The following GAB2 variants were observed in gnomAD, a reference collection of about 807,000 sequenced individuals.
GAB2 encodes the protein GRB2-associated-binding protein 2.
GAB2 carries 26 observed loss-of-function variants against 65.5 expected under a neutral mutation model. The observed-to-expected ratio is 0.40, with a 90% CI of 0.29 to 0.55. The LOEUF is 0.55. Ranked by LOEUF, GAB2 falls within the 20% of genes least tolerant of loss-of-function variation. The probability of loss-of-function intolerance (pLI) is 0.53; values close to 1 mark genes in which losing one functional copy is unlikely to be tolerated. For missense variants in GAB2, 884 were observed against 875.8 expected (o/e 1.01, Z -0.12); for synonymous variants, 321 against 329.6 (o/e 0.97, Z 0.28).
intron 3 of GAB2, among the ~76,000 whole-genome samples, chr11:78,239,315 G>C (rs1865067358): frequency 6.6e-6 from 1 of 152,072 alleles, no homozygotes; most frequent in Non-Finnish European, 1.5e-5. Flanking sequence ...CCACCTCCTG[G>C]GTTCAAGCGA....
chr11:78,240,642 G>GTATCAA (rs2134503942), intron 3 of GAB2, among the ~76,000 whole-genome samples: 1 of 152,236 alleles, frequency 6.6e-6, no homozygotes, highest in East Asian at 1.9e-4. Flanking sequence ...GCTACATGGT[G>GTATCAA]TATCAATCCC....
intron 1 of GAB2, among the ~76,000 whole-genome samples, chr11:78,300,516 T>TAAAAAACC (rs1554985512): frequency 7.0e-6 from 1 of 142,792 alleles, no homozygotes; most frequent in East Asian, 2.2e-4. Context: ...TTTAATTTTA[T>TAAAAAACC]AAAAAAACAA....
chr11:78,402,826 C>T (rs1016962020), intron 1 of GAB2, among the ~76,000 whole-genome samples: 3 of 152,086 alleles, frequency 2.0e-5, no homozygotes, highest in Non-Finnish European at 2.9e-5. Context: ...ATGCTTCTGC[C>T]TCACAATGCC....
chr11:78,335,598 A>G (rs138825264), intron 1 of GAB2, among the ~76,000 whole-genome samples: 56 of 152,182 alleles, frequency 3.7e-4, no homozygotes, highest in African/African-American at 1.3e-3. Context: ...CCATTGGTCT[A>G]TGTGTCTGTT....
At chr11:78,313,298 C>A (rs150520965) in intron 1 of GAB2, among the ~76,000 whole-genome samples, 1 of 152,032 alleles carries the variant, frequency 6.6e-6, no homozygotes, top group Non-Finnish European at 1.5e-5. Flanking sequence ...AGACTGAATC[C>A]GAATCCTAGA....
At chr11:78,287,344 A>G (rs974152926) in intron 1 of GAB2, among the ~76,000 whole-genome samples, 3 of 149,822 alleles carry the variant, frequency 2.0e-5, no homozygotes, top group Non-Finnish European at 4.4e-5. Flanking sequence ...AGAGGCATGA[A>G]CATGGCTCAC....
chr11:78,348,299 C>T (rs776670129), intron 1 of GAB2, among the ~76,000 whole-genome samples: 7 of 152,196 alleles, frequency 4.6e-5, no homozygotes, highest in Non-Finnish European at 1.0e-4. Flanking sequence ...GTTGTATTCA[C>T]ATGTTTTCAC....
At chr11:78,254,813 GAAAAA>G (rs1374651236) in intron 2 of GAB2, among the ~76,000 whole-genome samples, 1 of 147,640 alleles carries the variant, frequency 6.8e-6, no homozygotes, top group Non-Finnish European at 1.5e-5. Context: ...AAAGAAAAAA[GAAAAA>G]AGAAAAAAAA....
intron 1 of GAB2, among the ~76,000 whole-genome samples, chr11:78,395,000 C>T (rs1214361335): frequency 2.0e-5 from 3 of 152,100 alleles, no homozygotes; most frequent in Admixed American, 6.6e-5. Flanking sequence ...TGAAGAGACT[C>T]GTATCCTTGT....
chr11:78,322,483 A>G (rs1409942477), intron 1 of GAB2, among the ~76,000 whole-genome samples: 1 of 151,946 alleles, frequency 6.6e-6, no homozygotes, highest in Non-Finnish European at 1.5e-5. Flanking sequence ...AAGAGCTTGT[A>G]CACAGCAAAA....
At chr11:78,338,544 C>G (rs145659843) in intron 1 of GAB2, among the ~76,000 whole-genome samples, 3 of 152,336 alleles carry the variant, frequency 2.0e-5, no homozygotes, top group African/African-American at 4.8e-5. Flanking sequence ...CTTACATAAA[C>G]TGAAAATATT....
intron 1 of GAB2, among the ~76,000 whole-genome samples, chr11:78,309,659 C>A (rs569716795): frequency 1.5e-4 from 23 of 152,094 alleles, no homozygotes; most frequent in Non-Finnish European, 2.8e-4. Context: ...AAAAACCTGT[C>A]TTGACAGAGC....
chr11:78,286,095 T>C (rs1374053215), intron 1 of GAB2, among the ~76,000 whole-genome samples: 1 of 152,242 alleles, frequency 6.6e-6, no homozygotes, highest in Non-Finnish European at 1.5e-5. Context: ...TATTCAGTGC[T>C]TACTATGCTC....
chr11:78,386,853 A>G lies in GAB2; in HGVS notation c.75+30793T>C, dbSNP rs141644384. Among the ~76,000 whole-genome samples the G allele has an allele frequency of 2.2e-3, 332 of 152,320 alleles. 1 individual carries two copies. Among genetic ancestry groups the G allele is most frequent in the African/African-American group, 7.4e-3 (307 of 41,570 alleles). On this transcript the variant is annotated intron_variant, in intron 1 of 9. Transcript: ENST00000361507. ...GTCTTCCCTACTGGCCAAAGTGACT[A>G]TCTCTTACGAAGAGACAATGTGATG...
At chr11:78,315,955 G>A (rs747518701) in intron 1 of GAB2, among the ~76,000 whole-genome samples, 5 of 152,168 alleles carry the variant, frequency 3.3e-5, no homozygotes, top group Non-Finnish European at 5.9e-5. Context: ...CCTACTGCCT[G>A]TCAGCATGGC....
chr11:78,385,275 A>C (rs1856751826), intron 1 of GAB2, among the ~76,000 whole-genome samples: 1 of 152,254 alleles, frequency 6.6e-6, no homozygotes, highest in Non-Finnish European at 1.5e-5. Context: ...TCTTCACGGG[A>C]AAGGCCACAC....
chr11:78,345,747 C>T (rs1856169722), intron 1 of GAB2, among the ~76,000 whole-genome samples: 1 of 152,142 alleles, frequency 6.6e-6, no homozygotes, highest in African/African-American at 2.4e-5. Flanking sequence ...GCCAGCAGCC[C>T]AGACTGAAAT....
At chr11:78,332,036 G>GA (rs1416106298) in intron 1 of GAB2, among the ~76,000 whole-genome samples, 1 of 152,182 alleles carries the variant, frequency 6.6e-6, no homozygotes, top group African/African-American at 2.4e-5. Context: ...TTGCCTCTAG[G>GA]AAAAGACAAG....
intron 1 of GAB2, among the ~76,000 whole-genome samples, chr11:78,368,918 A>C (rs891421232): frequency 6.6e-6 from 1 of 151,962 alleles, no homozygotes; most frequent in Non-Finnish European, 1.5e-5. Context: ...CGCTACAAAC[A>C]AATTTTTTAA....
Sources: allele counts gnomAD v4.1 joint callset (sites outside exome capture counted in the v4.1 genomes callset), GRCh38; gene constraint gnomAD v4.1.1; transcripts MANE v1.5; gene names NCBI Gene and HGNC (gene_info 2026-07-23, HGNC 2026-07-21).